Variants in CCNH observed in about 807,000 individuals in gnomAD.
The protein encoded by CCNH is cyclin-H.
Under a neutral mutation model 41.9 loss-of-function variants are expected in CCNH, and 31 were observed. That is an observed-to-expected ratio of 0.74 (90% CI 0.56 to 1.00). The LOEUF is 1.00. Ranked by LOEUF, CCNH falls within the 50% of genes least tolerant of loss-of-function variation. CCNH has a pLI of 0.00. For synonymous variants in CCNH, 138 were observed against 136.1 expected (o/e 1.01, Z -0.10); for missense variants, 362 against 388.4 (o/e 0.93, Z 0.57).
At chr5:87,316,412 GTAGA>G (rs1156921474), downstream of CCNH, among the ~76,000 whole-genome samples, 2 of 152,210 alleles carry the variant, frequency 1.3e-5, no homozygotes, top group Admixed American at 6.5e-5. Flanking sequence ...CAGGTTATCA[GTAGA>G]TAAACAGTTA....
At chr5:87,398,755 T>G (rs542107043) in intron 7 of CCNH, among the ~76,000 whole-genome samples, 2 of 151,968 alleles carry the variant, frequency 1.3e-5, no homozygotes, top group South Asian at 2.1e-4. Context: ...GGGCGGATCA[T>G]GAGGTCAGGA....
intron 9 of CCNH, among the ~76,000 whole-genome samples, chr5:87,386,303 G>C (rs915852740): frequency 2.6e-5 from 4 of 152,018 alleles, no homozygotes; most frequent in African/African-American, 9.7e-5. Context: ...AAGTAGTCAG[G>C]ATTTTAGTAC....
downstream of CCNH, among the ~76,000 whole-genome samples, chr5:87,375,249 T>C (rs548968414): frequency 7.1e-4 from 108 of 152,072 alleles, no homozygotes; most frequent in Non-Finnish European, 1.4e-3. Flanking sequence ...TTCTACTTTT[T>C]AGGTTTTTCC....
chr5:87,327,458 TA>T (rs1757310559), intron 9 of CCNH, among the ~76,000 whole-genome samples: 1 of 152,208 alleles, frequency 6.6e-6, no homozygotes, highest in African/African-American at 2.4e-5. Context: ...ATAAAAAATG[TA>T]AAGACTTGGC....
chr5:87,312,374 T>A, the CCNH span, among the ~76,000 whole-genome samples: 8 of 152,222 alleles, frequency 5.3e-5, no homozygotes, highest in Non-Finnish European at 7.4e-5. Context: ...ATAAATTTTT[T>A]TTGGAGAATA....
intron 4 of CCNH, among the ~76,000 whole-genome samples, chr5:87,405,336 A>G (rs1763714514): frequency 6.6e-6 from 1 of 152,196 alleles, no homozygotes; most frequent in Non-Finnish European, 1.5e-5. Flanking sequence ...CCTTATTTTT[A>G]TATGAAATTC....
At chr5:87,347,185 A>T (rs185180655) in intron 9 of CCNH, among the ~76,000 whole-genome samples, 2 of 152,168 alleles carry the variant, frequency 1.3e-5, no homozygotes, top group Non-Finnish European at 2.9e-5. Context: ...ACTAGTCTTC[A>T]GTAGAACGAT....
intron 9 of CCNH, among the ~76,000 whole-genome samples, chr5:87,385,131 A>G (rs898371230): frequency 1.3e-5 from 2 of 152,128 alleles, no homozygotes; most frequent in Non-Finnish European, 2.9e-5. Flanking sequence ...TTTGAATTTT[A>G]TGGATCATAA....
At chr5:87,397,183 GAC>G (rs893776657) in intron 7 of CCNH, among the ~76,000 whole-genome samples, 1 of 149,936 alleles carries the variant, frequency 6.7e-6, no homozygotes, top group African/African-American at 2.5e-5. Flanking sequence ...TTTTTTTTGA[GAC>G]AGAGTCTTGC....
chr5:87,352,551 A>ATT (rs529898652), intron 9 of CCNH, among the ~76,000 whole-genome samples: 1 of 151,726 alleles, frequency 6.6e-6, no homozygotes, highest in African/African-American at 2.4e-5. Flanking sequence ...ATGTCATTTT[A>ATT]TTTTTTTGTA....
intron 9 of CCNH, chr5:87,337,885 T>C: frequency 7.5e-7 from 1 of 1,340,180 alleles, no homozygotes; most frequent in Non-Finnish European, 1.0e-6. Context: ...AATATAATAC[T>C]ATCCCTATCC....
intron 7 of CCNH, among the ~76,000 whole-genome samples, chr5:87,396,151 T>C (rs1762942717): frequency 6.6e-6 from 1 of 152,184 alleles, no homozygotes; most frequent in African/African-American, 2.4e-5. Flanking sequence ...TATTTAGGTA[T>C]TATAAGTAAT....
intron 9 of CCNH, among the ~76,000 whole-genome samples, chr5:87,322,971 T>C (rs1476116866): frequency 6.6e-6 from 1 of 152,186 alleles, no homozygotes; most frequent in Non-Finnish European, 1.5e-5. Flanking sequence ...AAGATGTTGA[T>C]ATATTCACCT....
chr5:87,359,962 A>C (rs1057048449), intron 9 of CCNH, among the ~76,000 whole-genome samples: 3 of 152,140 alleles, frequency 2.0e-5, no homozygotes, highest in Admixed American at 2.0e-4. Context: ...CCATCTTGTA[A>C]ACTCTGATTC....
At chr5:87,354,848 C>T (rs75104952) in intron 9 of CCNH, among the ~76,000 whole-genome samples, 1,827 of 152,104 alleles carry the variant, frequency 0.012, 30 homozygotes, top group African/African-American at 0.041. Context: ...AGTGAAACAC[C>T]CTTATTGCTG....
chr5:87,394,852 TA>T (rs1762795579), intron 8 of CCNH, 191 bp downstream of exon 8: 3 of 1,375,590 alleles, frequency 2.2e-6, no homozygotes, highest in Non-Finnish European at 2.8e-6. Context: ...GATTCTTCAT[TA>T]AATAAAGACA....
chr5:87,398,798 C>A (rs534187778), intron 7 of CCNH, among the ~76,000 whole-genome samples: 2 of 151,772 alleles, frequency 1.3e-5, no homozygotes, highest in Non-Finnish European at 2.9e-5. Flanking sequence ...ACGATGAAAC[C>A]CCGTCTCTAC....
At chr5:87,376,578 T>G (rs183446754) in exon 1 of CCNH, 1 of 1,608,464 alleles carries the variant, frequency 6.2e-7, no homozygotes, top group Admixed American at 1.7e-5. Flanking sequence ...ATTAAATTAT[T>G]TATCAGTCTT....
At chr5:87,341,422 C>T in intron 9 of CCNH, 1 of 674,598 alleles carries the variant, frequency 1.5e-6, no homozygotes. Flanking sequence ...AGGTTTTGGA[C>T]TGACTTAACT....
Sources: allele counts gnomAD v4.1 joint callset (sites outside exome capture counted in the v4.1 genomes callset), GRCh38; gene constraint gnomAD v4.1.1; transcripts MANE v1.5; gene names NCBI Gene and HGNC (gene_info 2026-07-23, HGNC 2026-07-21).